NPAS1: variants seen among roughly 807,000 people sequenced by gnomAD.
NPAS1 encodes the protein neuronal PAS domain protein 1.
Under a neutral mutation model 49.2 loss-of-function variants are expected in NPAS1, and 29 were observed. That is an observed-to-expected ratio of 0.59 (90% CI 0.44 to 0.80). The LOEUF (loss-of-function observed/expected upper bound fraction) is 0.80. Among genes scored for constraint, NPAS1 ranks in the 30% least tolerant of loss-of-function variants. The probability of loss-of-function intolerance (pLI) is 0.00; values close to 1 mark genes in which losing one functional copy is unlikely to be tolerated. For synonymous variants in NPAS1, 408 were observed against 380.4 expected (o/e 1.07, Z -0.84); for missense variants, 825 against 835.5 (o/e 0.99, Z 0.15).
At position 47,036,118 on chromosome 19, in the gene NPAS1, C is replaced by T; in HGVS notation, c.677C>T (p.Thr226Ile). ...SSSSSSSLAD[T>I]PEIEASLTKV... ...TCCTCTTCCTCTTCGCTTGCAGATACCCCCGAGATCGGTAATTCTAAGGGC... is the reference window on the plus strand; with the variant it reads ...TCCTCTTCCTCTTCGCTTGCAGATATCCCCGAGATCGGTAATTCTAAGGGC... The change falls in exon 6 of 12, where the codon ACC becomes ATC. Residue 226 changes from threonine to isoleucine, a missense_variant. Thr to Ile is a moderately conservative substitution (Grantham distance 89). Transcript: ENST00000602212. 1 of 1,561,836 alleles carries T rather than the reference C, an allele frequency of 6.4e-7. No homozygotes were observed. The highest frequency in any genetic ancestry group is 1.2e-5 in the South Asian group (1 of 84,980).
At chr19:47,027,983 T>C (rs2056884804) in intron 3 of NPAS1, among the ~76,000 whole-genome samples, 1 of 151,288 alleles carries the variant, frequency 6.6e-6, no homozygotes, top group African/African-American at 2.4e-5. Flanking sequence ...AGGTGGAGGC[T>C]GGGGGTAAAA....
At position 47,036,114 on chromosome 19, in the gene NPAS1, G is replaced by C. The variant is rs1189442143; in HGVS notation, c.673G>C (p.Asp225His). Residue 225 changes from aspartate to histidine, a missense_variant, in exon 6 of 12, where the codon GAT becomes CAT. By Grantham distance (81) the Asp-to-His change is moderately conservative (BLOSUM62 -1). Coordinates refer to ENST00000602212, the MANE Select transcript of NPAS1 (RefSeq NM_002517.4). ...CTCCTCCTCTTCCTCTTCGCTTGCA[G>C]ATACCCCCGAGATCGGTAATTCTAA... ...SSSSSSSSLADTPEIEASLTK... is the reference protein window; with the variant it reads ...SSSSSSSSLAHTPEIEASLTK... 29 of 1,564,838 alleles carry C rather than the reference G, an allele frequency of 1.9e-5. No homozygotes were observed. Among genetic ancestry groups the C allele is most frequent in the Non-Finnish European group, 2.5e-5 (29 of 1,155,288 alleles).
intron 11 of NPAS1, among the ~76,000 whole-genome samples, chr19:47,043,270 C>T (rs1241219418): frequency 6.7e-5 from 2 of 30,066 alleles, no homozygotes; most frequent in African/African-American, 4.7e-4. Context: ...CAGAGCGAGA[C>T]TCTGTCTCAA....
At position 47,039,491 on chromosome 19, in the gene NPAS1, G is replaced by C. The variant is rs765898139; in HGVS notation, c.889G>C (p.Glu297Gln). ...GHTLPPAPLA[E>Q]LPLHGHMIVF... The stretch of plus-strand genomic sequence containing the variant: ...CACGTTGCCCCCGGCCCCCCTGGCT[G>C]AGCTGCCACTCCATGGACACATGAT... The change falls in exon 8 of 12, where the codon GAG becomes CAG. Residue 297 changes from glutamate (E) to glutamine (Q), a missense_variant. Physicochemically the swap from Glu to Gln is conservative, Grantham distance 29. Transcript: ENST00000602212. The C allele has an allele frequency of 1.4e-5, 22 of 1,611,018 alleles. No individual in the cohort carries two copies. The highest frequency in any genetic ancestry group is 1.8e-5 in the Non-Finnish European group (21 of 1,178,968).
rs560705570 is a variant in NPAS1, at chr19:47,023,219, T to C, written c.358+1372T>C. 2.4e-3 allele frequency among the ~76,000 whole-genome samples: 363 copies of C among 150,896 alleles called. 2 individuals are homozygous for C. The highest frequency in any genetic ancestry group is 6.9e-3 in the Middle Eastern group (2 of 288). On this transcript the variant is annotated intron_variant, in intron 3 of 11. Transcript: ENST00000602212. ...ATTACTGTCATTACCGCGAACAACA[T>C]GTGCGCCGGCGGGGGATAAACATCT...
intron 1 of NPAS1, chr19:47,020,781 G>A: frequency 3.7e-6 from 1 of 272,188 alleles, no homozygotes; most frequent in East Asian, 6.8e-5. Context: ...GCGCGCTGGC[G>A]GGCGGCGCGG....
chr19:47,020,928 A>G (rs1599889368), intron 1 of NPAS1, 78 bp from the exon 2 acceptor site: 1 of 301,104 alleles, frequency 3.3e-6, no homozygotes. Context: ...TGGGACCCTG[A>G]GCCCTGCACG....
chr19:47,038,900 C>T, intron 6 of NPAS1, 136 bp from the exon 7 acceptor site: 1 of 692,358 alleles, frequency 1.4e-6, no homozygotes, highest in East Asian at 2.6e-5. Flanking sequence ...CTTTCAAAAT[C>T]ATCAGGCATG....
At position 47,032,688 on chromosome 19, in the gene NPAS1, C is replaced by A; in HGVS notation, c.478C>A (p.Leu160Ile). Residue 160 changes from leucine to isoleucine, a missense_variant, in exon 5 of 12, where the codon CTC (leucine) becomes ATC (isoleucine). Coordinates refer to ENST00000602212, the MANE Select transcript of NPAS1 (RefSeq NM_002517.4). ...VFALNQEGKF[L>I]YISETVSIYL... ...CGCCTTGAACCAGGAAGGAAAATTCCTCTACATCTCAGAGACAGTCTCCAT... is the reference window on the plus strand; with the variant it reads ...CGCCTTGAACCAGGAAGGAAAATTCATCTACATCTCAGAGACAGTCTCCAT... 6.2e-7 allele frequency: 1 copy of A among 1,614,168 alleles called. No homozygotes were observed. Among genetic ancestry groups the A allele is most frequent in the Non-Finnish European group, 8.5e-7 (1 of 1,180,004 alleles).
chr19:47,032,542 C>T, intron 4 of NPAS1, 101 bp from the exon 5 acceptor site: 1 of 1,212,670 alleles, frequency 8.2e-7, no homozygotes, highest in Non-Finnish European at 1.2e-6. Context: ...AACAGTCCAC[C>T]TCAGGTGGAG....
chr19:47,038,071 C>T (rs1367736819), intron 6 of NPAS1, among the ~76,000 whole-genome samples: 1 of 152,166 alleles, frequency 6.6e-6, no homozygotes, highest in African/African-American at 2.4e-5. Flanking sequence ...ATGGCTGACC[C>T]AGCCTGAGGG....
rs940652875 is a variant in NPAS1, at chr19:47,045,697, C to T, written c.*46C>T. On this transcript the variant is annotated 3_prime_UTR_variant, in exon 12 of 12. Transcript: ENST00000602212. ...GCCGGACCCTGCGACAACCGGGGTC[C>T]CCCAGGACAGTAGGCCCGGCTCTGC... 68 of 1,366,962 alleles carry T rather than the reference C, an allele frequency of 5.0e-5. No homozygotes were observed. The highest frequency in any genetic ancestry group is 5.4e-4 in the Middle Eastern group (2 of 3,708). 84.7% of individuals were successfully genotyped at this position (1,366,962 alleles called of 1,614,324 possible). A position where few individuals can be genotyped will look rare whatever the true frequency, so the allele number is the denominator to read the frequency against.
At chr19:47,042,159 A>G (rs1182960827) in intron 10 of NPAS1, among the ~76,000 whole-genome samples, 2 of 152,034 alleles carry the variant, frequency 1.3e-5, no homozygotes, top group Non-Finnish European at 2.9e-5. Flanking sequence ...TTTAAAAAAA[A>G]TTAGCTGGGC....
chr19:47,028,762 C>T (rs2056888954), intron 3 of NPAS1, among the ~76,000 whole-genome samples: 1 of 152,064 alleles, frequency 6.6e-6, no homozygotes, highest in African/African-American at 2.4e-5. Context: ...CACTTGGGGA[C>T]CCTCAAGGTC....
chr19:47,039,666 T>G, intron 8 of NPAS1, 102 bp downstream of exon 8: 1 of 1,260,030 alleles, frequency 7.9e-7, no homozygotes, highest in Non-Finnish European at 1.1e-6. Flanking sequence ...GATAGGGCAC[T>G]GGGGAGCCAT....
rs759616182 is a variant in NPAS1 at position 47,021,684 on chromosome 19, C to A, written c.195C>A (p.Phe65Leu). 1.3e-6 allele frequency: 2 copies of A among 1,564,316 alleles called. No individual in the cohort carries two copies. ...GGCGCGGGAAGGAGAACCTGGAGTT[C>A]TTCGAGCTGGCCAAGCTTCTCCCGC... ...RSRRGKENLE[F>L]FELAKLLPLP... Residue 65 changes from phenylalanine to leucine, a missense_variant, in exon 3 of 12, where the codon TTC becomes TTA. By Grantham distance (22) the Phe-to-Leu change is conservative. Coordinates refer to ENST00000602212, the MANE Select transcript of NPAS1 (RefSeq NM_002517.4). The surrounding 1 kb of genome is among the most constrained non-coding windows in gnomAD (Gnocchi z 5.7).
At chr19:47,042,929 C>T in intron 11 of NPAS1, 25 bp downstream of exon 11, 2 of 1,520,756 alleles carry the variant, frequency 1.3e-6, no homozygotes, top group Non-Finnish European at 1.8e-6. Flanking sequence ...CCACCTTGGC[C>T]CCTGGGAAGC....
At chr19:47,028,394 G>A (rs1387859538) in intron 3 of NPAS1, among the ~76,000 whole-genome samples, 2 of 152,060 alleles carry the variant, frequency 1.3e-5, no homozygotes, top group African/African-American at 2.4e-5. Flanking sequence ...AGGAAGCTCA[G>A]CCCAGACACT....
intron 9 of NPAS1, 107 bp downstream of exon 9, chr19:47,040,657 T>C (rs2057009039): frequency 1.4e-6 from 1 of 725,866 alleles, no homozygotes; most frequent in Non-Finnish European, 2.4e-6. Context: ...CAGTCCCTCC[T>C]GCTGCACCTA....
Sources: gnomAD v4.1 joint callset for allele counts (sites outside exome capture counted in the v4.1 genomes callset) on GRCh38, gnomAD v4.1.1 for gene constraint, Gnocchi (gnomAD v3.1) non-coding constraint, MANE v1.5 for transcripts, NCBI Gene and HGNC (gene_info 2026-07-23, HGNC 2026-07-21) for gene names.